Variants in ANKFN1 observed in about 807,000 individuals in gnomAD.
ANKFN1 encodes the protein ankyrin repeat and fibronectin type III domain containing 1, also known as ankyrin repeat and fibronectin type-III domain-containing protein 1.
A neutral mutation model predicts 108.7 loss-of-function variants in ANKFN1; 74 were observed. That is an observed-to-expected ratio of 0.68 (90% CI 0.56 to 0.83). The LOEUF is 0.83. Among genes scored for constraint, ANKFN1 ranks in the 40% least tolerant of loss-of-function variants. The pLI is 0.00. For missense variants in ANKFN1, 1,505 were observed against 1,382.3 expected (o/e 1.09, Z -1.41); for synonymous variants, 547 against 516.2 (o/e 1.06, Z -0.81).
chr17:56,057,476 G>C (rs1461366515), intron 4 of ANKFN1, among the ~76,000 whole-genome samples: 1 of 152,170 alleles, frequency 6.6e-6, no homozygotes, highest in Non-Finnish European at 1.5e-5. Context: ...ATAGACTTAA[G>C]TATATTTCTT....
chr17:56,046,678 G>C (rs1446286336), intron 4 of ANKFN1, among the ~76,000 whole-genome samples: 1 of 152,138 alleles, frequency 6.6e-6, no homozygotes, highest in African/African-American at 2.4e-5. Context: ...CAGATGTGTG[G>C]ATCTCTATTT....
chr17:56,057,482 T>C (rs1904899797), intron 4 of ANKFN1, among the ~76,000 whole-genome samples: 2 of 152,164 alleles, frequency 1.3e-5, no homozygotes, highest in South Asian at 4.1e-4. Flanking sequence ...TTAAGTATAT[T>C]TCTTAAATAG....
chr17:56,115,794 G>A (rs1320344825), intron 4 of ANKFN1, among the ~76,000 whole-genome samples: 1 of 152,022 alleles, frequency 6.6e-6, no homozygotes, highest in Non-Finnish European at 1.5e-5. Context: ...TTCTCACTGG[G>A]GCTAGAAGTC....
At chr17:56,347,079 A>T (rs2046124681) in intron 4 of ANKFN1, among the ~76,000 whole-genome samples, 1 of 151,166 alleles carries the variant, frequency 6.6e-6, no homozygotes, top group Admixed American at 6.6e-5. Flanking sequence ...TTTATTTTTA[A>T]ATTATTTTAG....
chr17:56,405,917 G>A (rs2047907175), intron 8 of ANKFN1, among the ~76,000 whole-genome samples: 1 of 152,082 alleles, frequency 6.6e-6, no homozygotes. Context: ...TGGTGGGAGG[G>A]AAAATCTAAG....
chr17:56,456,845 T>A lies in ANKFN1; in HGVS notation c.1208-16T>A, dbSNP rs1390642518. The A allele has an allele frequency of 6.2e-7, 1 of 1,606,760 alleles. No individual in the cohort carries two copies. On this transcript the variant is annotated splice_polypyrimidine_tract_variant and intron_variant, in intron 11 of 20. Coordinates refer to ENST00000682825, the MANE Select transcript of ANKFN1 (RefSeq NM_001370326.1). Reference sequence around the variant, plus strand: ...CCCAGTGGAATTTATACTGTATTTTTTAAAATACATTCCAGAAAGCACAAA... The same window carrying A: ...CCCAGTGGAATTTATACTGTATTTTATAAAATACATTCCAGAAAGCACAAA...
At chr17:56,440,449 A>C (rs771608975) in intron 9 of ANKFN1, 25 bp downstream of exon 9, 25 of 1,558,000 alleles carry the variant, frequency 1.6e-5, no homozygotes, top group Non-Finnish European at 3.5e-6. Context: ...TAGACTTTTC[A>C]TTTCCCTATT....
At chr17:56,506,044 GT>G (rs199711709) in intron 20 of ANKFN1, among the ~76,000 whole-genome samples, 78 of 44,742 alleles carry the variant, frequency 1.7e-3, no homozygotes, top group Admixed American at 3.0e-3. Flanking sequence ...GACATTATTT[GT>G]TTTTTTTGTT....
In ANKFN1 at chr17:56,081,208, G is replaced by T. The variant is rs916874543; in HGVS notation, c.288+34883G>T. ...GAGACCAAGGCAAGTTTTAGAACAG[G>T]AGTGAAAGTTTATTAAACAGCATTA... On this transcript the variant is annotated intron_variant, in intron 4 of 12. Transcript: ENST00000635860. Among the ~76,000 whole-genome samples the T allele has an allele frequency of 6.6e-5, 10 of 152,304 alleles. No individual in the cohort carries two copies. The East Asian group carries it at 1.9e-3, about 29-fold the overall frequency.
intron 8 of ANKFN1, among the ~76,000 whole-genome samples, chr17:56,381,435 A>G (rs2047100865): frequency 6.6e-6 from 1 of 152,252 alleles, no homozygotes; most frequent in African/African-American, 2.4e-5. Context: ...AGCTGGACAG[A>G]GAATGACTTT....
chr17:56,209,005 G>A (rs947705391), intron 1 of ANKFN1, among the ~76,000 whole-genome samples: 1 of 152,020 alleles, frequency 6.6e-6, no homozygotes, highest in African/African-American at 2.4e-5. Context: ...GGCCTCCCGA[G>A]TTAGCTGGGA....
chr17:56,349,186 A>G (rs1218435693), intron 4 of ANKFN1, among the ~76,000 whole-genome samples: 1 of 152,120 alleles, frequency 6.6e-6, no homozygotes, highest in Admixed American at 6.6e-5. Flanking sequence ...ATGAGAACAC[A>G]TGGACACATG....
At chr17:56,421,005 G>GATC (rs1436049360) in intron 8 of ANKFN1, among the ~76,000 whole-genome samples, 1 of 152,134 alleles carries the variant, frequency 6.6e-6, no homozygotes, top group Non-Finnish European at 1.5e-5. Flanking sequence ...ACTGGGTCCG[G>GATC]CCGACTCCTT....
chr17:56,400,014 T>C (rs912237014), intron 8 of ANKFN1, among the ~76,000 whole-genome samples: 3 of 151,404 alleles, frequency 2.0e-5, no homozygotes, highest in African/African-American at 7.3e-5. Flanking sequence ...GTTCCACGAT[T>C]TTGCAATTGT....
rs1188685845 is a variant in ANKFN1, at chr17:56,459,758, T to C, written c.1557+1779T>C. 2.6e-5 allele frequency among the ~76,000 whole-genome samples: 4 copies of C among 152,142 alleles called. No homozygotes were observed. In the East Asian group the frequency reaches 7.7e-4, roughly 29 times the overall value. On this transcript the variant is annotated intron_variant, in intron 14 of 20. Transcript: ENST00000682825. ...CAGCAATGTGAGAAGGATCAGGCTG[T>C]TACAAGTCAGTGCAGTCAGACGCTG...
At chr17:56,339,316 A>G (rs2045899978) in intron 4 of ANKFN1, among the ~76,000 whole-genome samples, 1 of 151,886 alleles carries the variant, frequency 6.6e-6, no homozygotes, top group Non-Finnish European at 1.5e-5. Context: ...CTCTTTTTTA[A>G]CTTTGGTTTA....
At chr17:56,316,937 A>T (rs753706752) in intron 3 of ANKFN1, among the ~76,000 whole-genome samples, 1 of 152,226 alleles carries the variant, frequency 6.6e-6, no homozygotes, top group Non-Finnish European at 1.5e-5. Context: ...AGTGAGGCAC[A>T]TCTACATTAG....
chr17:56,454,389 C>A (rs1391261479), intron 11 of ANKFN1, among the ~76,000 whole-genome samples: 1 of 152,142 alleles, frequency 6.6e-6, no homozygotes, highest in Non-Finnish European at 1.5e-5. Flanking sequence ...GGCTTTGTTT[C>A]ATTTTATATT....
intron 1 of ANKFN1, among the ~76,000 whole-genome samples, chr17:56,165,599 G>A (rs999127344): frequency 6.6e-6 from 1 of 152,116 alleles, no homozygotes; most frequent in Non-Finnish European, 1.5e-5. Flanking sequence ...AATCGGCCAC[G>A]TGGGATGCTT....
Sources: allele counts gnomAD v4.1 joint callset (sites outside exome capture counted in the v4.1 genomes callset), GRCh38; gene constraint gnomAD v4.1.1; transcripts MANE v1.5; gene names NCBI Gene and HGNC (gene_info 2026-07-23, HGNC 2026-07-21).